The following PRKN variants were observed in gnomAD, a reference collection of about 807,000 sequenced individuals.
PRKN encodes the protein E3 ubiquitin-protein ligase parkin.
A neutral mutation model predicts 59.5 loss-of-function variants in PRKN; 56 were observed. That is an observed-to-expected ratio of 0.94 (90% CI 0.76 to 1.18). PRKN has a LOEUF of 1.18. PRKN is among the 50% of genes most tolerant of loss of function. The pLI, the probability that PRKN is intolerant of heterozygous loss-of-function variation, is 0.00. For missense variants in PRKN, 657 were observed against 596.4 expected (o/e 1.10, Z -1.06); for synonymous variants, 250 against 222.1 (o/e 1.13, Z -1.12).
At chr6:161,764,359 T>C (rs1236257795) in intron 7 of PRKN, among the ~76,000 whole-genome samples, 2 of 152,238 alleles carry the variant, frequency 1.3e-5, no homozygotes, top group Non-Finnish European at 2.9e-5. Flanking sequence ...AGATACTGCC[T>C]ATAAAATGGA....
intron 7 of PRKN, among the ~76,000 whole-genome samples, chr6:161,574,470 C>T (rs374967385): frequency 7.2e-5 from 11 of 152,242 alleles, no homozygotes; most frequent in Middle Eastern, 3.4e-3. Context: ...TGCGTTGACT[C>T]TTAATGACTG....
At chr6:162,269,211 T>G (rs1780265756) in intron 2 of PRKN, among the ~76,000 whole-genome samples, 1 of 152,134 alleles carries the variant, frequency 6.6e-6, no homozygotes, top group African/African-American at 2.4e-5. Flanking sequence ...TGTAGTTTCT[T>G]TGTATGCGTT....
chr6:162,615,321 T>G (rs1583912392), intron 1 of PRKN, among the ~76,000 whole-genome samples: 1 of 152,182 alleles, frequency 6.6e-6, no homozygotes. Context: ...TGCCACATAA[T>G]ATTATAAATG....
intron 4 of PRKN, among the ~76,000 whole-genome samples, chr6:162,073,667 G>A (rs1778684489): frequency 6.6e-6 from 1 of 152,330 alleles, no homozygotes; most frequent in South Asian, 2.1e-4. Flanking sequence ...GGCCAGACTG[G>A]TGTGGAACTC....
intron 1 of PRKN, among the ~76,000 whole-genome samples, chr6:162,697,329 G>A (rs927638680): frequency 1.3e-5 from 2 of 152,000 alleles, no homozygotes; most frequent in African/African-American, 4.8e-5. Flanking sequence ...TAACTCACAG[G>A]TTTGAGATTT....
At chr6:162,366,441 TA>T (rs1417736940) in intron 2 of PRKN, among the ~76,000 whole-genome samples, 1 of 152,154 alleles carries the variant, frequency 6.6e-6, no homozygotes, top group African/African-American at 2.4e-5. Flanking sequence ...TTTTGCTTAT[TA>T]AAAAATAGTC....
At chr6:162,362,680 C>T (rs559201132) in intron 2 of PRKN, among the ~76,000 whole-genome samples, 6 of 152,230 alleles carry the variant, frequency 3.9e-5, no homozygotes, top group Admixed American at 3.3e-4. Context: ...GGCGGACTCA[C>T]ATTCATCTTG....
intron 1 of PRKN, chr6:162,569,191 T>A (rs367860343): frequency 1.2e-5 from 7 of 574,602 alleles, no homozygotes; most frequent in African/African-American, 9.3e-5. Flanking sequence ...ATGCAAAGAC[T>A]GAGATCTCCA....
At chr6:161,916,996 G>T (rs1778589803) in intron 6 of PRKN, among the ~76,000 whole-genome samples, 1 of 151,590 alleles carries the variant, frequency 6.6e-6, no homozygotes, top group African/African-American at 2.4e-5. Context: ...TAGAGAGAGG[G>T]TTTCACCGTG....
chr6:162,525,296 C>T (rs907283343), intron 1 of PRKN, among the ~76,000 whole-genome samples: 8 of 152,130 alleles, frequency 5.3e-5, no homozygotes, highest in African/African-American at 1.2e-4. Flanking sequence ...ACTTCATCTC[C>T]AGCTGCTGTC....
At chr6:162,457,240 C>T (rs1213514368) in intron 1 of PRKN, among the ~76,000 whole-genome samples, 3 of 152,008 alleles carry the variant, frequency 2.0e-5, no homozygotes, top group African/African-American at 4.8e-5. Context: ...TAAAGTTATG[C>T]AGGAGAGTAG....
chr6:162,594,953 T>A (rs985143441), intron 1 of PRKN, among the ~76,000 whole-genome samples: 1 of 152,086 alleles, frequency 6.6e-6, no homozygotes, highest in African/African-American at 2.4e-5. Context: ...GGTGAGTAGA[T>A]CACGAGGTCA....
At chr6:161,977,542 G>GTTTTTTTTTT (rs1554256833) in intron 5 of PRKN, among the ~76,000 whole-genome samples, 3 of 104,518 alleles carry the variant, frequency 2.9e-5, no homozygotes, top group African/African-American at 1.1e-4. Flanking sequence ...TGTTTTTTTG[G>GTTTTTTTTTT]TTTTTTTTTT....
chr6:162,434,549 C>T lies in PRKN; in HGVS notation c.171+8761G>A, dbSNP rs114394319. Among the ~76,000 whole-genome samples, 327 of 152,232 alleles carry T rather than the reference C, an allele frequency of 2.1e-3. 2 individuals carry two copies. The highest frequency in any genetic ancestry group is 7.6e-3 in the African/African-American group (314 of 41,570). On this transcript the variant is annotated intron_variant, in intron 2 of 11. Coordinates refer to ENST00000366898, the MANE Select transcript of PRKN (RefSeq NM_004562.3). ...AACACAACATATTAGGCCAGACTCT[C>T]CCATTCCCATTTAATTGTGTTTTCT...
chr6:161,667,051 A>G (rs1487703027), intron 7 of PRKN, among the ~76,000 whole-genome samples: 53 of 152,340 alleles, frequency 3.5e-4, no homozygotes, highest in Admixed American at 3.5e-3. Flanking sequence ...TCTGTCTTCT[A>G]TGATTAACAC....
At chr6:161,829,312 C>T (rs1792379766) in intron 6 of PRKN, among the ~76,000 whole-genome samples, 1 of 152,182 alleles carries the variant, frequency 6.6e-6, no homozygotes, top group South Asian at 2.1e-4. Flanking sequence ...CTTTTGCACC[C>T]ATGAGCTCCT....
intron 7 of PRKN, among the ~76,000 whole-genome samples, chr6:161,738,767 C>A (rs1252201587): frequency 6.6e-6 from 1 of 152,090 alleles, no homozygotes; most frequent in African/African-American, 2.4e-5. Context: ...CTGGCTGGAG[C>A]CTGCAACCAC....
chr6:162,351,351 T>G (rs921374673), intron 2 of PRKN, among the ~76,000 whole-genome samples: 3 of 152,166 alleles, frequency 2.0e-5, no homozygotes, highest in Non-Finnish European at 4.4e-5. Flanking sequence ...TACTTTCTAT[T>G]AGGAAAATGC....
At chr6:162,370,182 A>G (rs1400259798) in intron 2 of PRKN, among the ~76,000 whole-genome samples, 3 of 152,200 alleles carry the variant, frequency 2.0e-5, no homozygotes, top group Non-Finnish European at 2.9e-5. Flanking sequence ...TCTTGACTGC[A>G]TCTCGTTTTC....
Sources: gnomAD v4.1 joint callset for allele counts (sites outside exome capture counted in the v4.1 genomes callset) on GRCh38, gnomAD v4.1.1 for gene constraint, MANE v1.5 for transcripts, NCBI Gene and HGNC (gene_info 2026-07-23, HGNC 2026-07-21) for gene names.